Variants in RNF10 observed in about 807,000 individuals in gnomAD.
RNF10 encodes the protein E3 ubiquitin-protein ligase RNF10.
In RNF10, 38 loss-of-function variants were observed where a neutral mutation model predicts 91.4. The ratio of observed to expected loss-of-function variants is 0.42; its 90% CI spans 0.32 to 0.54. The LOEUF (loss-of-function observed/expected upper bound fraction) is 0.54, where lower values mean the gene tolerates loss of function less well. Among genes scored for constraint, RNF10 ranks in the 20% least tolerant of loss-of-function variants. RNF10 has a pLI of 0.16. For synonymous variants in RNF10, 364 were observed against 366.3 expected, an observed-to-expected ratio of 0.99 and a Z score of 0.07; for missense variants, 945 against 1,012.0, an observed-to-expected ratio of 0.93 and a Z score of 0.90.
At chr12:120,542,624 C>T (rs979834303) in intron 1 of RNF10, among the ~76,000 whole-genome samples, 2 of 152,202 alleles carry the variant, frequency 1.3e-5, no homozygotes, top group Non-Finnish European at 2.9e-5. Context: ...GTGATTTCAG[C>T]TCACTGCAAC....
chr12:120,548,130 A>G (rs1047308323), intron 2 of RNF10, among the ~76,000 whole-genome samples: 1 of 152,016 alleles, frequency 6.6e-6, no homozygotes, highest in Non-Finnish European at 1.5e-5. Flanking sequence ...GGGAGAGGGG[A>G]ATAGGGTTGA....
intron 14 of RNF10, among the ~76,000 whole-genome samples, chr12:120,572,751 C>A (rs185890866): frequency 2.5e-3 from 373 of 152,034 alleles, no homozygotes; most frequent in Non-Finnish European, 4.7e-3. Context: ...CAGGCGCCTA[C>A]CACCATGCCC....
intron 6 of RNF10, among the ~76,000 whole-genome samples, chr12:120,558,763 G>T (rs1442719685): frequency 6.6e-6 from 1 of 151,162 alleles, no homozygotes; most frequent in African/African-American, 2.4e-5. Context: ...GTAGAGACGG[G>T]GTTTCACCAT....
At chr12:120,565,019 G>T in intron 10 of RNF10, 53 bp from the exon 11 acceptor site, 1 of 1,251,588 alleles carries the variant, frequency 8.0e-7, no homozygotes, top group East Asian at 2.3e-5. Context: ...AGGACCCCCT[G>T]CTTTCAGAGT....
rs1430776477 is a variant in RNF10 at position 120,565,368 on chromosome 12, G to A, written c.1784-60G>A. The A allele has an allele frequency of 2.7e-6, 4 of 1,485,982 alleles. No homozygotes were observed. The East Asian group carries it at 9.0e-5, about 34-fold the overall frequency. The allele number at this position is 1,485,982 out of a possible 1,614,324, so 92.0% of individuals were successfully genotyped here. A position where few individuals can be genotyped will look rare whatever the true frequency, so the allele number is the denominator to read the frequency against. On this transcript the variant is annotated intron_variant, in intron 11 of 16. Transcript: ENST00000325954. ...GTTGTGGGTTTAGCTGCTAATACTG[G>A]GAGGAGGTAATGACCATGTTGTCCT...
chr12:120,547,783 CT>C (rs1872536914), intron 2 of RNF10, among the ~76,000 whole-genome samples: 1 of 152,130 alleles, frequency 6.6e-6, no homozygotes, highest in East Asian at 1.9e-4. Context: ...AGGACTTTGG[CT>C]TTTGTTCAGA....
chr12:120,569,372 T>C (rs1333987483), intron 13 of RNF10, among the ~76,000 whole-genome samples: 1 of 152,082 alleles, frequency 6.6e-6, no homozygotes, highest in East Asian at 1.9e-4. Flanking sequence ...TGCATATCAT[T>C]TTGCAGATTA....
At chr12:120,554,529 C>T in intron 3 of RNF10, 189 bp from the exon 4 acceptor site, 1 of 557,620 alleles carries the variant, frequency 1.8e-6, no homozygotes, top group South Asian at 2.1e-5. Context: ...AGACTTCTGC[C>T]TGCTGAGTCT....
chr12:120,538,383 C>T (rs958168344), intron 1 of RNF10, among the ~76,000 whole-genome samples: 4 of 152,050 alleles, frequency 2.6e-5, no homozygotes. Flanking sequence ...TTAAATTTGC[C>T]CTTCATTTGT....
chr12:120,573,666 C>T (rs899876482), intron 14 of RNF10, among the ~76,000 whole-genome samples: 4 of 151,842 alleles, frequency 2.6e-5, no homozygotes, highest in African/African-American at 9.7e-5. Flanking sequence ...CAGGCTGCTT[C>T]CACTCATGGT....
chr12:120,551,857 G>A (rs1373819584), intron 2 of RNF10, among the ~76,000 whole-genome samples: 1 of 152,042 alleles, frequency 6.6e-6, no homozygotes, highest in Non-Finnish European at 1.5e-5. Flanking sequence ...AACTACCTGA[G>A]ACTGGGTAAT....
At chr12:120,566,254 C>A (rs1179065295) in intron 12 of RNF10, among the ~76,000 whole-genome samples, 3 of 152,200 alleles carry the variant, frequency 2.0e-5, no homozygotes, top group Non-Finnish European at 2.9e-5. Flanking sequence ...TTTGTTTTCA[C>A]CTTTTTATTA....
rs779203338 is a variant in RNF10 at position 120,576,704 on chromosome 12, G to T, written c.*38G>T. ...AGGCTACCTTCTCCATCTGGTTTTTGTTTTTGTTTTTTTTTCCCCCATGCT... is the reference window on the plus strand; with the variant it reads ...AGGCTACCTTCTCCATCTGGTTTTTTTTTTTGTTTTTTTTTCCCCCATGCT... On this transcript the variant is annotated 3_prime_UTR_variant, in exon 17 of 17. Transcript: ENST00000325954. 368 of 1,581,480 alleles carry T rather than the reference G, an allele frequency of 2.3e-4. No individual in the cohort carries two copies. Among genetic ancestry groups the T allele is most frequent in the Non-Finnish European group, 3.0e-4 (345 of 1,169,078 alleles).
intron 7 of RNF10, 23 bp downstream of exon 7, chr12:120,560,909 C>G (rs753757052): frequency 1.2e-6 from 2 of 1,605,244 alleles, no homozygotes; most frequent in East Asian, 2.2e-5. Flanking sequence ...ATTGGAGATG[C>G]TAAACCTTTT....
Position 120,575,553 on chromosome 12 carries a change from G to GT in RNF10, c.2143-76dup, listed in dbSNP as rs1351798564. The GT allele has an allele frequency of 3.3e-6, 5 of 1,499,390 alleles. No homozygotes were observed. In the South Asian group the frequency reaches 4.6e-5, roughly 14 times the overall value. The allele number at this position is 1,499,390 out of a possible 1,614,324, so 92.9% of individuals were successfully genotyped here. A position where few individuals can be genotyped will look rare whatever the true frequency, so the allele number is the denominator to read the frequency against. On this transcript the variant is annotated intron_variant, in intron 14 of 16. Coordinates refer to ENST00000325954, the MANE Select transcript of RNF10 (RefSeq NM_014868.5). ...TGATAGTTGGTTCTGTGCCTCTCCA[G>GT]TTAGTCAAGGTAGGTCTGAAAAAGA...
chr12:120,565,253 C>A, intron 11 of RNF10, 64 bp downstream of exon 11: 1 of 1,262,132 alleles, frequency 7.9e-7, no homozygotes. Flanking sequence ...GGCTAGACAC[C>A]CAGTGGGGGA....
chr12:120,557,531 G>A lies in RNF10; in HGVS notation c.831-15G>A, dbSNP rs768499730. 11 of 1,614,026 alleles carry A rather than the reference G, an allele frequency of 6.8e-6. No individual in the cohort carries two copies. The highest frequency in any genetic ancestry group is 8.5e-6 in the Non-Finnish European group (10 of 1,180,022). On this transcript the variant is annotated splice_polypyrimidine_tract_variant and intron_variant, in intron 5 of 16. Coordinates refer to ENST00000325954, the MANE Select transcript of RNF10 (RefSeq NM_014868.5). ...TCACTCCTTGCCCTGCTACATATGAGTGTCCATGTTTCAGTGTTGTTGCCA... is the reference window on the plus strand; with the variant it reads ...TCACTCCTTGCCCTGCTACATATGAATGTCCATGTTTCAGTGTTGTTGCCA...
At chr12:120,562,870 C>G in intron 7 of RNF10, 75 bp from the exon 8 acceptor site, 1 of 1,596,078 alleles carries the variant, frequency 6.3e-7, no homozygotes, top group Non-Finnish European at 8.6e-7. Context: ...AGAGGCCATT[C>G]TAAGCCCTTG....
chr12:120,557,699 T>C lies in RNF10; in HGVS notation c.967+17T>C, dbSNP rs773789068. 1.2e-6 allele frequency: 2 copies of C among 1,613,800 alleles called. No homozygotes were observed. Among genetic ancestry groups the C allele is most frequent in the African/African-American group, 2.7e-5 (2 of 74,914 alleles). On this transcript the variant is annotated intron_variant, in intron 6 of 16. Transcript: ENST00000325954. ...ATCTAGGAGGTGAGTTCTTTAAATT[T>C]TGGGGACAAATAATCCTGGGTACAT...
Sources: allele counts gnomAD v4.1 joint callset (sites outside exome capture counted in the v4.1 genomes callset), GRCh38; gene constraint gnomAD v4.1.1; transcripts MANE v1.5; gene names NCBI Gene and HGNC (gene_info 2026-07-23, HGNC 2026-07-21).